Variants in RIMS2 observed in about 807,000 individuals in gnomAD.
The protein encoded by RIMS2 is regulating synaptic membrane exocytosis protein 2.
RIMS2 carries 59 observed loss-of-function variants against 174.4 expected under a neutral mutation model. The observed-to-expected ratio is 0.34, with a 90% CI of 0.27 to 0.42. RIMS2 has a LOEUF of 0.42. Ranked by LOEUF, RIMS2 falls within the 10% of genes least tolerant of loss-of-function variation. RIMS2 has a pLI of 1.00. For synonymous variants in RIMS2, 606 were observed against 572.5 expected, an observed-to-expected ratio of 1.06 and a Z score of -0.84; for missense variants, 1,620 against 1,666.3, an observed-to-expected ratio of 0.97 and a Z score of 0.48.
At chr8:103,771,618 T>C (rs1482276865) in intron 3 of RIMS2, among the ~76,000 whole-genome samples, 1 of 152,142 alleles carries the variant, frequency 6.6e-6, no homozygotes, top group African/African-American at 2.4e-5. Flanking sequence ...TTTATTTTTT[T>C]CTCTGTATGT....
chr8:104,208,365 C>A (rs968618802), intron 19 of RIMS2, among the ~76,000 whole-genome samples: 3 of 151,916 alleles, frequency 2.0e-5, no homozygotes, highest in Non-Finnish European at 4.4e-5. Context: ...TTCAGGAGTT[C>A]GAGACCAGCC....
chr8:103,515,926 C>A (rs1828745904), intron 1 of RIMS2, among the ~76,000 whole-genome samples: 1 of 151,996 alleles, frequency 6.6e-6, no homozygotes, highest in South Asian at 2.1e-4. Context: ...ACTATAGATT[C>A]ATTAATCTGC....
At chr8:104,202,765 G>C (rs2099061314) in intron 19 of RIMS2, among the ~76,000 whole-genome samples, 1 of 152,160 alleles carries the variant, frequency 6.6e-6, no homozygotes, top group African/African-American at 2.4e-5. Context: ...TACTATCTGT[G>C]AATATGATTA....
chr8:103,745,138 A>T (rs893180957), intron 2 of RIMS2, among the ~76,000 whole-genome samples: 6 of 152,204 alleles, frequency 3.9e-5, no homozygotes, highest in African/African-American at 1.4e-4. Flanking sequence ...GAACATTTTC[A>T]TCACTATCTT....
chr8:104,242,817 C>T (rs1283759581), intron 19 of RIMS2, among the ~76,000 whole-genome samples: 1 of 152,220 alleles, frequency 6.6e-6, no homozygotes, highest in Admixed American at 6.5e-5. Context: ...TGATTGTCCC[C>T]TCTTAGTGCT....
intron 3 of RIMS2, among the ~76,000 whole-genome samples, chr8:103,810,797 G>A (rs2098681986): frequency 2.6e-5 from 4 of 152,166 alleles, no homozygotes; most frequent in South Asian, 2.1e-4. Flanking sequence ...ATCCCTCACC[G>A]CCTTTTTTCA....
At chr8:104,243,253 T>A (rs1174839945) in intron 19 of RIMS2, among the ~76,000 whole-genome samples, 2 of 152,196 alleles carry the variant, frequency 1.3e-5, no homozygotes, top group Non-Finnish European at 1.5e-5. Flanking sequence ...CTTTAAAGCA[T>A]TTTGGTGTAC....
At chr8:103,600,909 C>G (rs1801541096) in intron 1 of RIMS2, among the ~76,000 whole-genome samples, 1 of 152,082 alleles carries the variant, frequency 6.6e-6, no homozygotes, top group African/African-American at 2.4e-5. Context: ...GGTGAGAGAT[C>G]CCATTGTAGT....
intron 1 of RIMS2, among the ~76,000 whole-genome samples, chr8:103,608,423 C>T (rs1409781976): frequency 6.9e-6 from 1 of 144,326 alleles, no homozygotes; most frequent in East Asian, 1.9e-4. Flanking sequence ...TTTAAGTCTG[C>T]AGAGGTTACT....
chr8:104,151,826 G>A (rs926935631), intron 19 of RIMS2, among the ~76,000 whole-genome samples: 1 of 152,130 alleles, frequency 6.6e-6, no homozygotes, highest in Non-Finnish European at 1.5e-5. Context: ...TAAAACAGCA[G>A]TAGGCCAAGA....
intron 1 of RIMS2, among the ~76,000 whole-genome samples, chr8:103,637,875 T>G (rs367806173): frequency 9.0e-4 from 137 of 152,286 alleles, no homozygotes; most frequent in African/African-American, 3.2e-3. Context: ...TCTCACTCTT[T>G]CCTTGTTTTC....
At chr8:103,772,685 A>G (rs2098267519) in intron 3 of RIMS2, among the ~76,000 whole-genome samples, 1 of 152,166 alleles carries the variant, frequency 6.6e-6, no homozygotes, top group South Asian at 2.1e-4. Context: ...TTAGAGGCAT[A>G]ACACTACCTG....
At chr8:104,026,050 T>A (rs895599038) in intron 19 of RIMS2, among the ~76,000 whole-genome samples, 1 of 152,158 alleles carries the variant, frequency 6.6e-6, no homozygotes, top group Admixed American at 6.6e-5. Flanking sequence ...TCAGAACATA[T>A]CCCTGTCGTT....
chr8:104,094,582 GGAAA>G (rs1169297405), intron 19 of RIMS2: 14 of 701,836 alleles, frequency 2.0e-5, no homozygotes, highest in African/African-American at 5.2e-5. Flanking sequence ...AATGAGAAAG[GGAAA>G]GAGATTGCCA....
At chr8:103,975,280 G>A (rs1393613740) in intron 15 of RIMS2, 70 bp from the exon 18 acceptor site, 5 of 995,048 alleles carry the variant, frequency 5.0e-6, no homozygotes, top group Admixed American at 2.7e-5. Flanking sequence ...TTGTTTTTGA[G>A]TAAAGTAGAA....
chr8:103,590,778 A>T (rs1382086006), intron 1 of RIMS2, among the ~76,000 whole-genome samples: 3 of 151,176 alleles, frequency 2.0e-5, no homozygotes, highest in African/African-American at 7.3e-5. Flanking sequence ...TTCACTGAGG[A>T]TAATGTTTTT....
chr8:104,064,265 T>C (rs978313279), intron 19 of RIMS2, among the ~76,000 whole-genome samples: 4 of 152,206 alleles, frequency 2.6e-5, no homozygotes, highest in African/African-American at 9.6e-5. Flanking sequence ...GAATATGTGA[T>C]ATGATTTAAG....
chr8:104,173,987 C>G (rs2135568313), intron 19 of RIMS2, among the ~76,000 whole-genome samples: 1 of 150,920 alleles, frequency 6.6e-6, no homozygotes, highest in Admixed American at 6.7e-5. Flanking sequence ...TCTCTCGTCA[C>G]CCAGGCTGGA....
intron 17 of RIMS2, among the ~76,000 whole-genome samples, chr8:103,993,846 G>A (rs1338855133): frequency 6.6e-6 from 1 of 151,914 alleles, no homozygotes; most frequent in African/African-American, 2.4e-5. Context: ...AGGCCATATA[G>A]TGAGACCCTA....
Sources: allele counts gnomAD v4.1 joint callset (sites outside exome capture counted in the v4.1 genomes callset), GRCh38; gene constraint gnomAD v4.1.1; transcripts MANE v1.5; gene names NCBI Gene and HGNC (gene_info 2026-07-23, HGNC 2026-07-21).